The following DOCK2 variants were observed in gnomAD, a reference collection of about 807,000 sequenced individuals.
DOCK2 encodes the protein dedicator of cytokinesis 2, also known as dedicator of cytokinesis protein 2.
In DOCK2, 87 loss-of-function variants were observed where a neutral mutation model predicts 248.9. That is an observed-to-expected ratio of 0.35 (90% CI 0.29 to 0.42). The LOEUF (loss-of-function observed/expected upper bound fraction) is 0.42, where lower values mean the gene tolerates loss of function less well. Among genes scored for constraint, DOCK2 ranks in the 10% least tolerant of loss-of-function variants. The pLI is 1.00. For missense variants in DOCK2, 1,747 were observed against 2,300.2 expected (o/e 0.76, Z 4.92); for synonymous variants, 805 against 821.6 (o/e 0.98, Z 0.35).
chr5:169,689,421 A>G, intron 9 of DOCK2, 88 bp downstream of exon 9: 1 of 1,382,970 alleles, frequency 7.2e-7, no homozygotes, highest in South Asian at 1.2e-5. Context: ...CTCAGGGTGA[A>G]GTGTGGCTGT....
intron 1 of DOCK2, among the ~76,000 whole-genome samples, chr5:169,640,351 G>C (rs545779950): frequency 1.3e-5 from 2 of 152,336 alleles, no homozygotes; most frequent in East Asian, 3.9e-4. Flanking sequence ...CTGAAGCTGA[G>C]CCTGCCAGGC....
At chr5:169,775,654 GTTA>G (rs974687293) in intron 25 of DOCK2, among the ~76,000 whole-genome samples, 27 of 151,820 alleles carry the variant, frequency 1.8e-4, no homozygotes, top group Middle Eastern at 3.4e-3. Context: ...TAACTTATAA[GTTA>G]TTATGTTTAT....
At chr5:169,890,907 CAGTAATCTT>C (rs2113537895) in intron 27 of DOCK2, among the ~76,000 whole-genome samples, 1 of 152,290 alleles carries the variant, frequency 6.6e-6, no homozygotes, top group Admixed American at 6.5e-5. Context: ...ACAGCAGCCA[CAGTAATCTT>C]GATAATATTT....
At chr5:169,972,854 G>A (rs922418677) in intron 27 of DOCK2, among the ~76,000 whole-genome samples, 3 of 152,150 alleles carry the variant, frequency 2.0e-5, no homozygotes, top group Non-Finnish European at 4.4e-5. Flanking sequence ...GTTAAGCACT[G>A]CGGAATTGAG....
intron 27 of DOCK2, among the ~76,000 whole-genome samples, chr5:169,844,762 C>G (rs1254782387): frequency 7.1e-6 from 1 of 140,568 alleles, no homozygotes; most frequent in African/African-American, 2.7e-5. Flanking sequence ...TCATTTTTAT[C>G]TATGAACTTG....
At chr5:169,882,811 G>T in intron 27 of DOCK2, 1 of 1,551,440 alleles carries the variant, frequency 6.4e-7, no homozygotes, top group African/African-American at 1.4e-5. Flanking sequence ...GTCTGACTCG[G>T]TGGGGTTGTT....
At chr5:169,826,436 C>T (rs1227698440) in intron 26 of DOCK2, among the ~76,000 whole-genome samples, 1 of 151,988 alleles carries the variant, frequency 6.6e-6, no homozygotes. Context: ...GACGAGCTGA[C>T]CAAGACTGGT....
chr5:169,964,282 T>C (rs1050470060), intron 27 of DOCK2, among the ~76,000 whole-genome samples: 1 of 152,196 alleles, frequency 6.6e-6, no homozygotes, highest in Admixed American at 6.5e-5. Flanking sequence ...ACTCCCGGAC[T>C]CTGGCCCCCA....
At chr5:169,850,051 G>A (rs1026422988) in intron 27 of DOCK2, among the ~76,000 whole-genome samples, 1 of 152,218 alleles carries the variant, frequency 6.6e-6, no homozygotes, top group Non-Finnish European at 1.5e-5. Context: ...CGAGAGTAAG[G>A]GTTGTTGCAG....
At chr5:170,062,141 G>GAT (rs1561903949) in intron 44 of DOCK2, among the ~76,000 whole-genome samples, 40 of 151,696 alleles carry the variant, frequency 2.6e-4, no homozygotes, top group Admixed American at 4.6e-4. Context: ...GAGAGAGAGA[G>GAT]AGAGAGACAG....
At chr5:169,669,502 C>T (rs561659232) in intron 3 of DOCK2, among the ~76,000 whole-genome samples, 174 bp downstream of exon 3, 1 of 152,138 alleles carries the variant, frequency 6.6e-6, no homozygotes, top group Non-Finnish European at 1.5e-5. Context: ...GCTCAGCTCC[C>T]TCCCACTTTC....
intron 38 of DOCK2, among the ~76,000 whole-genome samples, chr5:170,044,846 A>G (rs1756644377): frequency 6.6e-6 from 1 of 152,036 alleles, no homozygotes; most frequent in Admixed American, 6.6e-5. Context: ...TTCTCCATTT[A>G]GGTGCATTTT....
chr5:169,830,110 C>G (rs1769125433), intron 26 of DOCK2, among the ~76,000 whole-genome samples: 1 of 152,224 alleles, frequency 6.6e-6, no homozygotes, highest in African/African-American at 2.4e-5. Flanking sequence ...AAGAACCTTG[C>G]AACCAAAAAG....
At chr5:170,078,850 T>C in intron 48 of DOCK2, 125 bp from the exon 49 acceptor site, 1 of 1,026,206 alleles carries the variant, frequency 9.7e-7, no homozygotes, top group East Asian at 2.4e-5. Flanking sequence ...TTTGCTGATC[T>C]ACTCCAGACC....
chr5:169,754,681 G>A (rs1764096000), intron 23 of DOCK2, among the ~76,000 whole-genome samples: 2 of 152,172 alleles, frequency 1.3e-5, no homozygotes, highest in African/African-American at 4.8e-5. Context: ...ATGACAGGCA[G>A]TAGTGGACGT....
At chr5:169,924,771 CT>C (rs1775347421) in intron 27 of DOCK2, among the ~76,000 whole-genome samples, 1 of 152,124 alleles carries the variant, frequency 6.6e-6, no homozygotes, top group Admixed American at 6.6e-5. Context: ...CTTTTCTTTT[CT>C]TTTTTCATCA....
At chr5:169,859,331 A>G (rs932399313) in intron 27 of DOCK2, among the ~76,000 whole-genome samples, 5 of 151,524 alleles carry the variant, frequency 3.3e-5, no homozygotes, top group African/African-American at 1.2e-4. Context: ...AATTGGTGAA[A>G]AGAAGATGGG....
intron 26 of DOCK2, among the ~76,000 whole-genome samples, chr5:169,831,108 A>T (rs540059336): frequency 2.8e-4 from 43 of 152,284 alleles, no homozygotes; most frequent in African/African-American, 1.0e-3. Flanking sequence ...AAATAAAATT[A>T]TCCCTTTAAC....
chr5:169,772,813 T>A (rs1765164489), intron 25 of DOCK2, among the ~76,000 whole-genome samples: 1 of 152,196 alleles, frequency 6.6e-6, no homozygotes, highest in Admixed American at 6.5e-5. Flanking sequence ...CGTCTCAGCA[T>A]CCTGCCTCAG....
Sources: allele counts gnomAD v4.1 joint callset (sites outside exome capture counted in the v4.1 genomes callset), GRCh38; gene constraint gnomAD v4.1.1; transcripts MANE v1.5; gene names NCBI Gene and HGNC (gene_info 2026-07-23, HGNC 2026-07-21).